Variants in SPOCK3 observed in about 807,000 individuals in gnomAD.
SPOCK3 encodes the protein SPARC (osteonectin), cwcv and kazal like domains proteoglycan 3.
In SPOCK3, 30 loss-of-function variants were observed where a neutral mutation model predicts 56.6. The ratio of observed to expected loss-of-function variants is 0.53; its 90% CI spans 0.40 to 0.72. SPOCK3 has a LOEUF of 0.72. SPOCK3 is among the 30% of genes least tolerant of loss of function. SPOCK3 has a pLI of 0.00. For missense variants in SPOCK3, 527 were observed against 530.0 expected (o/e 0.99, Z 0.06); for synonymous variants, 196 against 183.3 (o/e 1.07, Z -0.56).
At position 166,741,988 on chromosome 4, in the gene SPOCK3, A is replaced by G. The variant is rs1734892320; in HGVS notation, c.994+9T>C. ...AATAAAGCCTTCAGAAGAATGATCT[A>G]TTACTCACCTAGGAGCTTCTTTACC... On this transcript the variant is annotated intron_variant, in intron 9 of 10. Transcript: ENST00000357545. 6 of 1,601,256 alleles carry G rather than the reference A, an allele frequency of 3.7e-6. No homozygotes were observed. The highest frequency in any genetic ancestry group is 1.3e-5 in the African/African-American group (1 of 74,620).
chr4:167,132,755 G>C (rs1318603549), intron 2 of SPOCK3, among the ~76,000 whole-genome samples: 1 of 151,806 alleles, frequency 6.6e-6, no homozygotes, highest in Non-Finnish European at 1.5e-5. Flanking sequence ...GGCATTCCTT[G>C]GCTTGTGACC....
At chr4:166,812,483 G>A (rs1050896865) in intron 6 of SPOCK3, among the ~76,000 whole-genome samples, 2 of 151,824 alleles carry the variant, frequency 1.3e-5, no homozygotes, top group African/African-American at 4.8e-5. Flanking sequence ...TTCCTCTTAA[G>A]GGAAGTATGC....
chr4:167,130,556 T>C (rs1332019377), intron 2 of SPOCK3, among the ~76,000 whole-genome samples: 2 of 152,130 alleles, frequency 1.3e-5, no homozygotes, highest in Admixed American at 6.5e-5. Context: ...AAAATACTAT[T>C]TAATTTAGAT....
At chr4:167,010,474 C>T (rs1749922800) in intron 3 of SPOCK3, among the ~76,000 whole-genome samples, 1 of 139,962 alleles carries the variant, frequency 7.1e-6, no homozygotes, top group South Asian at 2.2e-4. Context: ...AAGCCAAGGT[C>T]ACGCCACTGC....
intron 5 of SPOCK3, 89 bp from the exon 6 acceptor site, chr4:166,889,333 G>T: frequency 1.3e-6 from 1 of 786,868 alleles, no homozygotes; most frequent in South Asian, 1.7e-5. Context: ...GGTAATTTTT[G>T]ATGCATATAA....
intron 2 of SPOCK3, among the ~76,000 whole-genome samples, chr4:167,133,689 C>T (rs1762873630): frequency 6.6e-6 from 1 of 152,116 alleles, no homozygotes; most frequent in Non-Finnish European, 1.5e-5. Flanking sequence ...TAATTAGAAG[C>T]TTGTTTTGTT....
rs926410404 is a variant in SPOCK3, at chr4:166,768,660, G to A, written c.710-13931C>T. On this transcript the variant is annotated intron_variant, in intron 7 of 10. Coordinates refer to ENST00000357545, the MANE Select transcript of SPOCK3 (RefSeq NM_001040159.2). Reference sequence around the variant, plus strand: ...AAACTTTGATGAATCTGATAATTACGTATCTTGGAGTTGCTCTTCTTGAGG... The same window carrying A: ...AAACTTTGATGAATCTGATAATTACATATCTTGGAGTTGCTCTTCTTGAGG... Among the ~76,000 whole-genome samples the A allele has an allele frequency of 3.3e-5, 5 of 152,148 alleles. No homozygotes were observed. In the South Asian group the frequency reaches 6.2e-4, roughly 19 times the overall value.
At chr4:166,927,335 G>C (rs1369406826) in intron 4 of SPOCK3, among the ~76,000 whole-genome samples, 1 of 152,064 alleles carries the variant, frequency 6.6e-6, no homozygotes, top group Non-Finnish European at 1.5e-5. Context: ...AGTTCATGTG[G>C]GCTCATGAGA....
chr4:167,053,937 A>G (rs1429886766), intron 3 of SPOCK3, among the ~76,000 whole-genome samples: 1 of 152,096 alleles, frequency 6.6e-6, no homozygotes, highest in East Asian at 1.9e-4. Context: ...TCGTTCTTAT[A>G]TCTCTGGATC....
intron 2 of SPOCK3, among the ~76,000 whole-genome samples, chr4:167,231,472 C>T (rs987281707): frequency 6.6e-6 from 1 of 152,034 alleles, no homozygotes; most frequent in African/African-American, 2.4e-5. Flanking sequence ...TTCCATGTTT[C>T]TTTGCCCTCA....
chr4:166,852,301 A>G (rs915801123), intron 6 of SPOCK3, among the ~76,000 whole-genome samples: 1 of 151,964 alleles, frequency 6.6e-6, no homozygotes, highest in African/African-American at 2.4e-5. Flanking sequence ...GTATAAAAAT[A>G]ATAATAATAA....
chr4:166,880,745 T>C (rs78651116), intron 6 of SPOCK3, among the ~76,000 whole-genome samples: 1,532 of 152,302 alleles, frequency 0.01, 11 homozygotes, highest in Middle Eastern at 0.031. Flanking sequence ...TTCCTAAACA[T>C]TTCTTGAATC....
In SPOCK3 at chr4:167,177,316, G is replaced by A. The variant is rs542434700; in HGVS notation, c.189+56669C>T. Reference sequence around the variant, plus strand: ...CACTTTTTTTTTTCCAGTCAGTTACGTTCTGAGCACTTTCCACACACTAAT... The same window carrying A: ...CACTTTTTTTTTTCCAGTCAGTTACATTCTGAGCACTTTCCACACACTAAT... On this transcript the variant is annotated intron_variant, in intron 2 of 10. Coordinates refer to ENST00000357545, the MANE Select transcript of SPOCK3 (RefSeq NM_001040159.2). Among the ~76,000 whole-genome samples, 47 of 152,048 alleles carry A rather than the reference G, an allele frequency of 3.1e-4. 2 individuals carry two copies. The South Asian group carries it at 7.9e-3, about 26-fold the overall frequency.
chr4:167,113,119 T>C (rs1761040638), intron 2 of SPOCK3, among the ~76,000 whole-genome samples: 1 of 152,134 alleles, frequency 6.6e-6, no homozygotes, highest in African/African-American at 2.4e-5. Flanking sequence ...ATTGTTGTAG[T>C]ATGAAAAATA....
Position 167,234,483 on chromosome 4 carries a change from T to C in SPOCK3, c.-34A>G. The C allele has an allele frequency of 2.6e-6, 1 of 386,360 alleles. No individual in the cohort carries two copies. Among genetic ancestry groups the C allele is most frequent in the Non-Finnish European group, 4.8e-6 (1 of 210,380 alleles). The allele number at this position is 386,360 out of a possible 1,614,324, so 23.9% of individuals were successfully genotyped here. ...GAGCCAGCACTGTGCTCGCAGCTCC[T>C]GCTGGAAATGCAGCCCTGCTCTGCC... On this transcript the variant is annotated 5_prime_UTR_variant, in exon 1 of 11. Coordinates refer to ENST00000357545, the MANE Select transcript of SPOCK3 (RefSeq NM_001040159.2).
chr4:166,966,876 A>G (rs970776218), intron 4 of SPOCK3, among the ~76,000 whole-genome samples: 7 of 152,102 alleles, frequency 4.6e-5, no homozygotes, highest in African/African-American at 1.7e-4. Flanking sequence ...AATTAGCTCT[A>G]TTTCCCAAAG....
At chr4:166,875,964 A>C (rs1733035056) in intron 6 of SPOCK3, among the ~76,000 whole-genome samples, 1 of 97,350 alleles carries the variant, frequency 1.0e-5, no homozygotes, top group South Asian at 4.4e-4. Flanking sequence ...TTGCCCCCTC[A>C]AGTCACACAG....
At chr4:166,945,488 T>A (rs939830148) in intron 4 of SPOCK3, among the ~76,000 whole-genome samples, 14 of 152,132 alleles carry the variant, frequency 9.2e-5, no homozygotes, top group African/African-American at 2.9e-4. Flanking sequence ...TTAGACAGAT[T>A]CCCTTGACGT....
chr4:166,775,326 A>T (rs1739407318), intron 7 of SPOCK3, among the ~76,000 whole-genome samples: 1 of 152,142 alleles, frequency 6.6e-6, no homozygotes, highest in African/African-American at 2.4e-5. Flanking sequence ...ACCCATTTTC[A>T]TCTCTGCTTC....
Sources: gnomAD v4.1 joint callset for allele counts (sites outside exome capture counted in the v4.1 genomes callset) on GRCh38, gnomAD v4.1.1 for gene constraint, MANE v1.5 for transcripts, NCBI Gene and HGNC (gene_info 2026-07-23, HGNC 2026-07-21) for gene names.